The following PDE10A variants were observed in gnomAD, a reference collection of about 807,000 sequenced individuals.
The protein encoded by PDE10A is phosphodiesterase 10A.
In PDE10A, 39 loss-of-function variants were observed where a neutral mutation model predicts 97.7. The ratio of observed to expected loss-of-function variants is 0.40; its 90% CI spans 0.31 to 0.52. The LOEUF (loss-of-function observed/expected upper bound fraction) is 0.52. Ranked by LOEUF, PDE10A falls within the 20% of genes least tolerant of loss-of-function variation. The pLI, the probability that PDE10A is intolerant of heterozygous loss-of-function variation, is 0.56. For missense variants in PDE10A, 731 were observed against 1,047.8 expected (o/e 0.70, Z 4.17); for synonymous variants, 371 against 376.8 (o/e 0.98, Z 0.18).
At chr6:165,850,442 C>G (rs1780544903) in intron 1 of PDE10A, among the ~76,000 whole-genome samples, 1 of 152,162 alleles carries the variant, frequency 6.6e-6, no homozygotes, top group Non-Finnish European at 1.5e-5. Flanking sequence ...ATTCTTTCAA[C>G]GGTATTTTAT....
rs148544874 is a variant in PDE10A at position 165,790,538 on chromosome 6, C to A, written c.-615+196991G>T. Among the ~76,000 whole-genome samples the A allele has an allele frequency of 9.2e-5, 14 of 152,240 alleles. No individual in the cohort carries two copies. The East Asian group carries it at 2.7e-3, about 29-fold the overall frequency. On this transcript the variant is annotated intron_variant, in intron 1 of 19. Coordinates refer to the PDE10A transcript ENST00000366882. ...TAAAAGCAATAAATTCTATGTGCGG[C>A]AGGGGTGAATTCTTATCTTCTCGGC... is the stretch of plus-strand genomic sequence containing the variant.
At chr6:165,346,759 G>C (rs1374304527) in intron 18 of PDE10A, among the ~76,000 whole-genome samples, 2 of 152,102 alleles carry the variant, frequency 1.3e-5, no homozygotes, top group Non-Finnish European at 2.9e-5. Flanking sequence ...GCCAGCCAAG[G>C]ATATACTATT....
At chr6:165,904,729 C>G (rs1380314668) in intron 1 of PDE10A, among the ~76,000 whole-genome samples, 1 of 152,132 alleles carries the variant, frequency 6.6e-6, no homozygotes, top group Non-Finnish European at 1.5e-5. Context: ...GTCTCAATTT[C>G]CATTAATTTC....
intron 16 of PDE10A, among the ~76,000 whole-genome samples, chr6:165,391,010 A>G (rs1214158680): frequency 6.6e-6 from 1 of 152,166 alleles, no homozygotes; most frequent in Non-Finnish European, 1.5e-5. Flanking sequence ...GAGTTTTACA[A>G]TCTTGCACAA....
At chr6:165,479,652 A>T (rs1227681673) in intron 3 of PDE10A, among the ~76,000 whole-genome samples, 1 of 152,112 alleles carries the variant, frequency 6.6e-6, no homozygotes, top group East Asian at 1.9e-4. Context: ...CACATCCATA[A>T]ATTTTCTGAA....
Position 165,332,883 on chromosome 6 carries a change from A to T in PDE10A, c.*142T>A. ...AGGAAGTCCTCTGCTTGACTTATTT[A>T]TTTGATGTTACCTTCTTGAAGAGGT... On this transcript the variant is annotated 3_prime_UTR_variant, in exon 22 of 22. Coordinates refer to ENST00000539869, the MANE Select transcript of PDE10A (RefSeq NM_001385079.1). 1 of 643,832 alleles carries T rather than the reference A, an allele frequency of 1.6e-6. No homozygotes were observed. Among genetic ancestry groups the T allele is most frequent in the East Asian group, 2.6e-5 (1 of 38,262 alleles). The allele number at this position is 643,832 out of a possible 1,614,324, so 39.9% of individuals were successfully genotyped here.
chr6:165,732,757 T>G (rs10455806), intron 1 of PDE10A, among the ~76,000 whole-genome samples: 1 of 152,116 alleles, frequency 6.6e-6, no homozygotes. Flanking sequence ...ACAGTAGCTC[T>G]GGAGTCTCCA....
chr6:165,472,987 T>C (rs1045651573), intron 3 of PDE10A, among the ~76,000 whole-genome samples: 3 of 152,174 alleles, frequency 2.0e-5, no homozygotes, highest in African/African-American at 4.8e-5. Flanking sequence ...GATCCTAGCA[T>C]TGTTCCTTAG....
rs947710027 is a variant in PDE10A at position 165,392,730 on chromosome 6, A to G, written c.2370T>C (p.Tyr790=). 2.5e-6 allele frequency: 4 copies of G among 1,613,994 alleles called. No homozygotes were observed. The highest frequency in any genetic ancestry group is 2.5e-6 in the Non-Finnish European group (3 of 1,179,856). ...SVKKNYRRVP[Y]HNWKHAVTVA... The stretch of plus-strand genomic sequence containing the variant: ...CAGTGACCGCATGCTTCCAGTTGTG[A>G]TAAGGAACCCGCCGATAGTTCTTCT... Residue 790 remains tyrosine (Y), a synonymous_variant, in exon 16 of 22, where the codon TAT becomes TAC. Coordinates refer to ENST00000539869, the MANE Select transcript of PDE10A (RefSeq NM_001385079.1).
chr6:165,418,580 C>A lies in PDE10A; in HGVS notation c.1796+55G>T, dbSNP rs1005429052. ...TGAATAGGCACAGAAAAATGGGTAA[C>A]GGAACGCCTGCACATCTACCGTAAG... On this transcript the variant is annotated intron_variant, in intron 11 of 21. Coordinates refer to ENST00000539869, the MANE Select transcript of PDE10A (RefSeq NM_001385079.1). This position sits in a 1 kb window ranked among gnomAD's most constrained non-coding sequence, Gnocchi z 4.8. The A allele has an allele frequency of 1.3e-6, 2 of 1,545,022 alleles. No individual in the cohort carries two copies. The highest frequency in any genetic ancestry group is 1.8e-6 in the Non-Finnish European group (2 of 1,132,532).
At chr6:165,378,755 A>T (rs1002468074) in intron 18 of PDE10A, among the ~76,000 whole-genome samples, 4 of 152,180 alleles carry the variant, frequency 2.6e-5, no homozygotes, top group African/African-American at 9.7e-5. Context: ...ACAATTACAG[A>T]TCAATAAAAG....
At chr6:165,987,795 T>C in exon 1 of PDE10A, 1 of 448,610 alleles carries the variant, frequency 2.2e-6, no homozygotes, top group South Asian at 1.6e-5. Context: ...GCCGATCTTC[T>C]CGCAAAAGGC....
chr6:165,734,654 T>A (rs974278632), intron 1 of PDE10A, among the ~76,000 whole-genome samples: 13 of 152,110 alleles, frequency 8.5e-5, no homozygotes, highest in African/African-American at 3.1e-4. Context: ...AATGGGAAGG[T>A]GGGACTGAGG....
intron 1 of PDE10A, among the ~76,000 whole-genome samples, chr6:165,770,357 T>G (rs939031744): frequency 1.3e-5 from 2 of 151,840 alleles, no homozygotes; most frequent in African/African-American, 4.8e-5. Context: ...GAAAGAGAAA[T>G]CAGATAAGCA....
At chr6:165,467,660 T>C (rs1778736869) in intron 3 of PDE10A, among the ~76,000 whole-genome samples, 1 of 152,220 alleles carries the variant, frequency 6.6e-6, no homozygotes, top group African/African-American at 2.4e-5. Flanking sequence ...TATTAATCCT[T>C]GGCCAGGTGT....
chr6:165,661,525 G>A lies in PDE10A; in HGVS notation c.865+422C>T, dbSNP rs1190587075. 6.3e-6 allele frequency: 1 copy of A among 157,888 alleles called. No homozygotes were observed. The highest frequency in any genetic ancestry group is 1.8e-4 in the East Asian group (1 of 5,450). The allele number at this position is 157,888 out of a possible 1,614,324, so 9.8% of individuals were successfully genotyped here. A position where few individuals can be genotyped will look rare whatever the true frequency, so the allele number is the denominator to read the frequency against. On this transcript the variant is annotated intron_variant, in intron 1 of 21. Coordinates refer to ENST00000539869, the MANE Select transcript of PDE10A (RefSeq NM_001385079.1). This position sits in a 1 kb window ranked among gnomAD's most constrained non-coding sequence, Gnocchi z 4.8. ...GACCCGGTGGGCTGGACCCCCAAGTGGAAGGAAGCGCATCTGCTCCAGCCA... is the reference window on the plus strand; with the variant it reads ...GACCCGGTGGGCTGGACCCCCAAGTAGAAGGAAGCGCATCTGCTCCAGCCA...
At position 165,332,319 on chromosome 6, in the gene PDE10A, T is replaced by C. The variant is rs960000715; in HGVS notation, c.*706A>G. On this transcript the variant is annotated 3_prime_UTR_variant, in exon 22 of 22. Coordinates refer to ENST00000539869, the MANE Select transcript of PDE10A (RefSeq NM_001385079.1). ...AAGTTCTGAGATTTATTGTAACATA[T>C]ACCTCATCTCTTCTCAAAAAGACAG... 1.3e-5 allele frequency: 2 copies of C among 152,230 alleles called. No homozygotes were observed. Among genetic ancestry groups the C allele is most frequent in the African/African-American group, 4.8e-5 (2 of 41,456 alleles). 9.4% of individuals were successfully genotyped at this position (152,230 alleles called of 1,614,324 possible).
At chr6:165,562,590 A>G (rs985416293) in intron 1 of PDE10A, among the ~76,000 whole-genome samples, 1 of 152,084 alleles carries the variant, frequency 6.6e-6, no homozygotes, top group Admixed American at 6.5e-5. Flanking sequence ...CTTCTCAACT[A>G]TGCCACAATC....
chr6:165,850,826 G>T (rs550638962), intron 1 of PDE10A, among the ~76,000 whole-genome samples: 5 of 152,184 alleles, frequency 3.3e-5, no homozygotes, highest in African/African-American at 4.8e-5. Context: ...AAAGAATCAA[G>T]ATTATTTTTA....
Sources: allele counts gnomAD v4.1 joint callset (sites outside exome capture counted in the v4.1 genomes callset), GRCh38; gene constraint gnomAD v4.1.1; non-coding constraint Gnocchi (gnomAD v3.1); transcripts MANE v1.5; gene names NCBI Gene and HGNC (gene_info 2026-07-23, HGNC 2026-07-21).